The following GPAT4 variants were observed in gnomAD, a reference collection of about 807,000 sequenced individuals.
GPAT4 encodes 1-AGP acyltransferase 6.
Under a neutral mutation model 58.0 loss-of-function variants are expected in GPAT4, and 17 were observed. The ratio of observed to expected loss-of-function variants is 0.29; its 90% confidence interval spans 0.20 to 0.44. The LOEUF is 0.44. GPAT4 is among the 20% of genes least tolerant of loss of function. GPAT4 has a pLI of 1.00. For synonymous variants in GPAT4, 204 were observed against 210.1 expected (o/e 0.97, Z 0.25); for missense variants, 377 against 574.5 (o/e 0.66, Z 3.51).
At chr8:41,610,313 C>G in intron 4 of GPAT4, 6 of 1,223,008 alleles carry the variant, frequency 4.9e-6, no homozygotes, top group Non-Finnish European at 6.2e-6. Flanking sequence ...TTCAGCTTCT[C>G]TGCACCATGT....
In GPAT4 at chr8:41,582,539, G is replaced by C. The variant is rs1384847960; in HGVS notation, c.-849+4261G>C. ...TTTTGAGTCTCCTTTAAAAATTTTT[G>C]ATCAGTGCTGTCCCATAGAAATATT... On this transcript the variant is annotated intron_variant, in intron 1 of 12. Transcript: ENST00000396987. Among the ~76,000 whole-genome samples the C allele has an allele frequency of 2.0e-5, 3 of 150,336 alleles. No individual in the cohort carries two copies. In the East Asian group the frequency reaches 5.9e-4, roughly 29 times the overall value.
intron 9 of GPAT4, 78 bp from the exon 10 acceptor site, chr8:41,614,885 A>T (rs1404280921): frequency 1.7e-6 from 2 of 1,190,888 alleles, no homozygotes; most frequent in East Asian, 2.4e-5. Flanking sequence ...TGACTATTAT[A>T]CTTAGTCTTT....
chr8:41,584,426 G>A (rs991100102), intron 1 of GPAT4, among the ~76,000 whole-genome samples: 1 of 152,176 alleles, frequency 6.6e-6, no homozygotes, highest in African/African-American at 2.4e-5. Flanking sequence ...CCATCAGTAG[G>A]GGAATGGATG....
chr8:41,599,315 C>G lies in GPAT4; in HGVS notation c.165+11C>G. On this transcript the variant is annotated intron_variant, in intron 2 of 12. Coordinates refer to ENST00000396987, the MANE Select transcript of GPAT4 (RefSeq NM_178819.4). ...TTAAAAATCTTTGCGGTAAGTTATG[C>G]TGTTACAAAAGGTTGCTTCACAGAG... 2 of 1,613,500 alleles carry G rather than the reference C, an allele frequency of 1.2e-6. No individual in the cohort carries two copies. The highest frequency in any genetic ancestry group is 1.7e-6 in the Non-Finnish European group (2 of 1,179,852).
At chr8:41,609,317 G>T in intron 2 of GPAT4, 99 bp from the exon 3 acceptor site, 2 of 1,257,938 alleles carry the variant, frequency 1.6e-6, no homozygotes, top group South Asian at 2.5e-5. Flanking sequence ...GGTCTTAGGT[G>T]ACTGGGACTG....
intron 10 of GPAT4, among the ~76,000 whole-genome samples, chr8:41,617,903 G>C (rs781573846): frequency 1.4e-4 from 22 of 152,206 alleles, no homozygotes; most frequent in Non-Finnish European, 2.6e-4. Flanking sequence ...TCCTCCTGTT[G>C]CTCCTTGCGC....
intron 1 of GPAT4, among the ~76,000 whole-genome samples, chr8:41,595,337 T>C (rs1802900977): frequency 6.8e-6 from 1 of 146,202 alleles, no homozygotes; most frequent in East Asian, 2.0e-4. Flanking sequence ...TTTTTTTTTT[T>C]TTTTTTTTTT....
At chr8:41,597,447 T>C (rs1357152025) in intron 1 of GPAT4, among the ~76,000 whole-genome samples, 1 of 152,158 alleles carries the variant, frequency 6.6e-6, no homozygotes, top group Non-Finnish European at 1.5e-5. Flanking sequence ...TCACAATGAG[T>C]GGCCAGTGTG....
chr8:41,599,659 G>T (rs191229759), intron 2 of GPAT4, among the ~76,000 whole-genome samples: 7 of 152,192 alleles, frequency 4.6e-5, no homozygotes, highest in African/African-American at 7.2e-5. Context: ...AGAAGCATGG[G>T]AGAGCCTCTT....
chr8:41,579,346 G>A (rs1222590683), intron 1 of GPAT4, among the ~76,000 whole-genome samples: 4 of 152,074 alleles, frequency 2.6e-5, no homozygotes, highest in Admixed American at 1.3e-4. Flanking sequence ...TTCCCCTCCC[G>A]TATGTCTCAG....
chr8:41,602,376 C>T (rs1803127851), intron 2 of GPAT4, among the ~76,000 whole-genome samples: 1 of 152,192 alleles, frequency 6.6e-6, no homozygotes, highest in South Asian at 2.1e-4. Context: ...GTGTGCCAGC[C>T]ACCGAAAGGG....
intron 1 of GPAT4, among the ~76,000 whole-genome samples, chr8:41,591,104 G>T (rs186940326): frequency 6.6e-6 from 1 of 152,238 alleles, no homozygotes; most frequent in South Asian, 2.1e-4. Flanking sequence ...GGGGTTCCAC[G>T]TGAGAGGGTT....
At chr8:41,616,673 G>T (rs529394679) in intron 10 of GPAT4, among the ~76,000 whole-genome samples, 4 of 152,256 alleles carry the variant, frequency 2.6e-5, no homozygotes, top group South Asian at 4.2e-4. Context: ...CCACAGTTCT[G>T]AAGCAGTGGC....
chr8:41,583,501 A>G (rs1802578222), intron 1 of GPAT4, among the ~76,000 whole-genome samples: 1 of 152,198 alleles, frequency 6.6e-6, no homozygotes, highest in African/African-American at 2.4e-5. Flanking sequence ...AATTTTAACA[A>G]TATATTTTAT....
At chr8:41,582,321 T>G (rs1802537411) in intron 1 of GPAT4, among the ~76,000 whole-genome samples, 1 of 151,992 alleles carries the variant, frequency 6.6e-6, no homozygotes. Flanking sequence ...AATGATGTAT[T>G]CAGGGACACA....
intron 1 of GPAT4, among the ~76,000 whole-genome samples, chr8:41,589,587 T>A (rs1166293548): frequency 6.6e-6 from 1 of 152,230 alleles, no homozygotes; most frequent in East Asian, 1.9e-4. Flanking sequence ...TAAAAACTCA[T>A]GAGTCTTTGT....
rs1437624839 is a variant in GPAT4, at chr8:41,619,155, A to T, written c.1262+178A>T. On this transcript the variant is annotated intron_variant, in intron 12 of 12. Transcript: ENST00000396987. ...GCCCTGTGCTTCCTTGACCTTGGGG[A>T]ACCTGGATCAGGGATGCCTGGACTG... The T allele has an allele frequency of 4.2e-6, 3 of 717,030 alleles. No individual in the cohort carries two copies. The East Asian group carries it at 8.1e-5, about 19-fold the overall frequency. 44.4% of individuals were successfully genotyped at this position (717,030 alleles called of 1,614,324 possible).
intron 2 of GPAT4, among the ~76,000 whole-genome samples, chr8:41,599,581 C>CA (rs1803026712): frequency 6.6e-6 from 1 of 152,230 alleles, no homozygotes; most frequent in East Asian, 1.9e-4. Flanking sequence ...AAAGCACTGC[C>CA]AATCTCTGTC....
chr8:41,617,719 ATGT>A (rs779597197), intron 10 of GPAT4, among the ~76,000 whole-genome samples: 1 of 152,168 alleles, frequency 6.6e-6, no homozygotes, highest in South Asian at 2.1e-4. Context: ...GGCATTTTTG[ATGT>A]TGTTGGCAGC....
Sources: gnomAD v4.1 joint callset for allele counts (sites outside exome capture counted in the v4.1 genomes callset) on GRCh38, gnomAD v4.1.1 for gene constraint, MANE v1.5 for transcripts, NCBI Gene and HGNC (gene_info 2026-07-23, HGNC 2026-07-21) for gene names.